Variants in AGAP1 observed in about 807,000 individuals in gnomAD.
AGAP1 encodes the protein arf-GAP with GTPase, ANK repeat and PH domain-containing protein 1.
Under a neutral mutation model 105.3 loss-of-function variants are expected in AGAP1, and 29 were observed. That is an observed-to-expected ratio of 0.28 (90% CI 0.21 to 0.38). The LOEUF (loss-of-function observed/expected upper bound fraction) is 0.38, where lower values mean the gene tolerates loss of function less well. Among genes scored for constraint, AGAP1 ranks in the 10% least tolerant of loss-of-function variants. The pLI is 1.00. For synonymous variants in AGAP1, 509 were observed against 485.9 expected, an observed-to-expected ratio of 1.05 and a Z score of -0.63; for missense variants, 998 against 1,165.1, an observed-to-expected ratio of 0.86 and a Z score of 2.09.
rs917027767 is a variant in AGAP1, at chr2:236,101,993, C to A, written c.2115-18199C>A. Among the ~76,000 whole-genome samples the A allele has an allele frequency of 2.8e-4, 42 of 152,222 alleles. No homozygotes were observed. The highest frequency in any genetic ancestry group is 1.3e-3 in the Admixed American group (20 of 15,278). On this transcript the variant is annotated intron_variant, in intron 16 of 17. Transcript: ENST00000304032. The surrounding 1 kb of genome is among the most constrained non-coding windows in gnomAD (Gnocchi z 4.9). ...GTCACAAACTTCCCTTATAAAACTT[C>A]CTTTGAGGCTGGGCCCGGTGGCTCA...
At chr2:235,985,215 T>G (rs1278760623) in intron 13 of AGAP1, among the ~76,000 whole-genome samples, 1 of 152,236 alleles carries the variant, frequency 6.6e-6, no homozygotes, top group East Asian at 1.9e-4. Context: ...GAGTTGAGCT[T>G]CTTTTTCATA....
chr2:235,924,431 CT>C (rs2052344922), intron 11 of AGAP1, among the ~76,000 whole-genome samples: 1 of 152,156 alleles, frequency 6.6e-6, no homozygotes, highest in African/African-American at 2.4e-5. Context: ...ACAGGGACTC[CT>C]TCCTTCATTG....
rs754301676 is a variant in AGAP1, at chr2:235,614,975, G to C, written c.164-94204G>C. Among the ~76,000 whole-genome samples, 8 of 152,246 alleles carry C rather than the reference G, an allele frequency of 5.3e-5. No individual in the cohort carries two copies. Among genetic ancestry groups the C allele is most frequent in the Non-Finnish European group, 5.9e-5 (4 of 68,046 alleles). ...TCAAAGTCCAAGTAAACTTCTGCCT[G>C]TGTGTGGTGCGCTCAAATAAAGGAG... On this transcript the variant is annotated intron_variant, in intron 1 of 17. Coordinates refer to ENST00000304032, the MANE Select transcript of AGAP1 (RefSeq NM_001037131.3). The surrounding 1 kb of genome is among the most constrained non-coding windows in gnomAD (Gnocchi z 4.7).
chr2:235,641,301 T>C (rs996574188), intron 1 of AGAP1, among the ~76,000 whole-genome samples: 25 of 83,868 alleles, frequency 3.0e-4, no homozygotes, highest in African/African-American at 1.1e-3. Flanking sequence ...GATTCTTTCT[T>C]TCTCTCTCTC....
At chr2:235,997,380 C>A (rs1049728597) in intron 13 of AGAP1, among the ~76,000 whole-genome samples, 1 of 152,204 alleles carries the variant, frequency 6.6e-6, no homozygotes, top group Non-Finnish European at 1.5e-5. Flanking sequence ...AGCCACCGTG[C>A]CCAGCCTAAT....
chr2:235,644,122 T>A (rs1947293466), intron 1 of AGAP1, among the ~76,000 whole-genome samples: 1 of 152,176 alleles, frequency 6.6e-6, no homozygotes, highest in African/African-American at 2.4e-5. Flanking sequence ...AAGGTCAGCC[T>A]TGCAGACTTG....
intron 9 of AGAP1, among the ~76,000 whole-genome samples, chr2:235,812,352 A>G (rs1195069053): frequency 6.6e-6 from 1 of 152,180 alleles, no homozygotes; most frequent in East Asian, 1.9e-4. Flanking sequence ...CGGGCCTGTG[A>G]ACTGTTTTGA....
chr2:235,526,726 G>A (rs1942855152), intron 1 of AGAP1, among the ~76,000 whole-genome samples: 1 of 152,212 alleles, frequency 6.6e-6, no homozygotes, highest in Non-Finnish European at 1.5e-5. Context: ...CAACATGGGT[G>A]ATGGGTAAAA....
rs956137529 is a variant in AGAP1 at position 236,076,688 on chromosome 2, A to G, written c.2114+27407A>G. 6.6e-6 allele frequency among the ~76,000 whole-genome samples: 1 copy of G among 151,138 alleles called. No individual in the cohort carries two copies. Among genetic ancestry groups the G allele is most frequent in the Non-Finnish European group, 1.5e-5 (1 of 68,022 alleles). ...CAGAGGCTTCTTTGTGGCACTTAATAATTTCCCAAACCACTAAAGAGGGAA... is the reference window on the plus strand; with the variant it reads ...CAGAGGCTTCTTTGTGGCACTTAATGATTTCCCAAACCACTAAAGAGGGAA... On this transcript the variant is annotated intron_variant, in intron 16 of 17. Coordinates refer to ENST00000304032, the MANE Select transcript of AGAP1 (RefSeq NM_001037131.3). This position sits in a 1 kb window ranked among gnomAD's most constrained non-coding sequence, Gnocchi z 4.4.
rs2052915387 is a variant in AGAP1, at chr2:235,934,933, C to CT, written c.1483+4014dup. The stretch of plus-strand genomic sequence containing the variant: ...AAATTAAGACTTTGGCTCTGGAGAA[C>CT]TTTTCAAAGTCTCCTCTCTAGACAC... On this transcript the variant is annotated intron_variant, in intron 12 of 17. Coordinates refer to ENST00000304032, the MANE Select transcript of AGAP1 (RefSeq NM_001037131.3). The surrounding 1 kb of genome is among the most constrained non-coding windows in gnomAD (Gnocchi z 4.9). Among the ~76,000 whole-genome samples, 1 of 152,182 alleles carries CT rather than the reference C, an allele frequency of 6.6e-6. No homozygotes were observed. Among genetic ancestry groups the CT allele is most frequent in the Non-Finnish European group, 1.5e-5 (1 of 68,044 alleles).
intron 1 of AGAP1, among the ~76,000 whole-genome samples, chr2:235,591,262 C>T (rs904790988): frequency 2.0e-5 from 3 of 151,712 alleles, no homozygotes; most frequent in Admixed American, 6.6e-5. Context: ...GTGATGCATC[C>T]GCCTCAGCCT....
At chr2:235,836,279 G>A (rs2106368141) in intron 9 of AGAP1, among the ~76,000 whole-genome samples, 1 of 152,274 alleles carries the variant, frequency 6.6e-6, no homozygotes, top group Middle Eastern at 3.4e-3. Flanking sequence ...CTTTGGTAAA[G>A]GTACAGCGAT....
At chr2:235,698,155 T>G (rs73124449) in intron 1 of AGAP1, among the ~76,000 whole-genome samples, 11,653 of 152,070 alleles carry the variant, frequency 0.077, 1,466 homozygotes, top group African/African-American at 0.26. Context: ...CAGGTGTGGT[T>G]CACAGTGGAG....
intron 11 of AGAP1, among the ~76,000 whole-genome samples, chr2:235,921,638 A>G (rs536461691): frequency 3.9e-5 from 6 of 152,330 alleles, no homozygotes; most frequent in Admixed American, 6.5e-5. Flanking sequence ...TGTCATTGTG[A>G]CTAGGTCTGA....
At chr2:235,949,759 G>A (rs536301616) in intron 12 of AGAP1, among the ~76,000 whole-genome samples, 2 of 152,240 alleles carry the variant, frequency 1.3e-5, no homozygotes, top group East Asian at 3.9e-4. Context: ...CAGCCTTGGG[G>A]CTGAGCTACC....
chr2:236,026,815 T>A (rs1047067564), intron 13 of AGAP1, among the ~76,000 whole-genome samples: 10 of 152,182 alleles, frequency 6.6e-5, no homozygotes, highest in Non-Finnish European at 8.8e-5. Context: ...CCCAACCATC[T>A]TGTTCTCTTG....
chr2:235,908,216 A>T lies in AGAP1; in HGVS notation c.1156-522A>T, dbSNP rs978981152. ...TTGCTTCCAAGGCCTAGAAAGCCAG[A>T]TACCCCTTGGACATCTTCCTGGTTC... On this transcript the variant is annotated intron_variant, in intron 10 of 17. Transcript: ENST00000304032. The surrounding 1 kb of genome is among the most constrained non-coding windows in gnomAD (Gnocchi z 4.4). 3.3e-5 allele frequency among the ~76,000 whole-genome samples: 5 copies of T among 152,194 alleles called. No homozygotes were observed. Among genetic ancestry groups the T allele is most frequent in the Non-Finnish European group, 7.3e-5 (5 of 68,038 alleles).
intron 9 of AGAP1, among the ~76,000 whole-genome samples, chr2:235,871,315 A>ATTT (rs1242162679): frequency 1.3e-5 from 2 of 152,206 alleles, no homozygotes; most frequent in Non-Finnish European, 2.9e-5. Flanking sequence ...CTCCTCCCGT[A>ATTT]TTTAACAGAG....
Position 236,122,070 on chromosome 2 carries a change from G to A in AGAP1, c.2370+1623G>A, listed in dbSNP as rs887807953. ...GGGCTCAAGCAATCCCCCCACCCTA[G>A]CCTCCCAAGTAATTGGGACCACAGG... On this transcript the variant is annotated intron_variant, in intron 17 of 17. Transcript: ENST00000304032. Among the ~76,000 whole-genome samples the A allele has an allele frequency of 2.7e-5, 4 of 148,926 alleles. No individual in the cohort carries two copies. In the East Asian group the frequency reaches 7.9e-4, roughly 29 times the overall value.
Sources: allele counts gnomAD v4.1 joint callset (sites outside exome capture counted in the v4.1 genomes callset), GRCh38; gene constraint gnomAD v4.1.1; non-coding constraint Gnocchi (gnomAD v3.1); transcripts MANE v1.5; gene names NCBI Gene and HGNC (gene_info 2026-07-23, HGNC 2026-07-21).